The following SOX6 variants were observed in gnomAD, a reference collection of about 807,000 sequenced individuals.
SOX6 encodes transcription factor SOX-6.
In SOX6, 11 loss-of-function variants were observed where a neutral mutation model predicts 97.8. The ratio of observed to expected loss-of-function variants is 0.11; its 90% CI spans 0.07 to 0.19. The LOEUF (loss-of-function observed/expected upper bound fraction) is 0.19. SOX6 is among the 10% of genes least tolerant of loss of function. The probability of loss-of-function intolerance (pLI) is 1.00; values close to 1 mark genes in which losing one functional copy is unlikely to be tolerated. For missense variants in SOX6, 810 were observed against 1,039.5 expected (o/e 0.78, Z 3.04); for synonymous variants, 360 against 371.4 (o/e 0.97, Z 0.35).
At chr11:16,446,790 A>C (rs1210518345) in intron 1 of SOX6, among the ~76,000 whole-genome samples, 1 of 114,288 alleles carries the variant, frequency 8.7e-6, no homozygotes, top group Non-Finnish European at 1.8e-5. Context: ...TTTTTTACTT[A>C]AAAAGAAGAC....
intron 3 of SOX6, among the ~76,000 whole-genome samples, chr11:16,302,707 T>A (rs1452029269): frequency 6.6e-6 from 1 of 151,564 alleles, no homozygotes; most frequent in Non-Finnish European, 1.5e-5. Flanking sequence ...GTAGCTGGGA[T>A]TACAGGCGTG....
At chr11:16,488,007 A>C (rs1049976110) in intron 4 of SOX6, among the ~76,000 whole-genome samples, 1 of 152,264 alleles carries the variant, frequency 6.6e-6, no homozygotes, top group Admixed American at 6.5e-5. Flanking sequence ...GAGTCAACAT[A>C]GTCTCAACTT....
At chr11:16,384,169 T>C (rs374552743) in intron 1 of SOX6, among the ~76,000 whole-genome samples, 1 of 151,852 alleles carries the variant, frequency 6.6e-6, no homozygotes, top group East Asian at 1.9e-4. Flanking sequence ...AAATGAAATA[T>C]AGGTTATTTT....
chr11:15,969,931 C>T lies in SOX6; in HGVS notation c.*2878G>A, dbSNP rs1440563078. ...AAAAGACGTTTACAATCAGATCATT[C>T]CTGAATAGCCTTTCATTTTTAAGAA... On this transcript the variant is annotated 3_prime_UTR_variant, in exon 16 of 16. Transcript: ENST00000683767. The T allele has an allele frequency of 6.6e-6, 1 of 152,196 alleles. No homozygotes were observed. The highest frequency in any genetic ancestry group is 2.4e-5 in the African/African-American group (1 of 41,442). The allele number at this position is 152,196 out of a possible 1,614,324, so 9.4% of individuals were successfully genotyped here.
chr11:16,371,943 T>C (rs989536100), intron 1 of SOX6, among the ~76,000 whole-genome samples: 1 of 152,084 alleles, frequency 6.6e-6, no homozygotes, highest in Non-Finnish European at 1.5e-5. Context: ...GCACAATGGC[T>C]GGGTCATAGA....
chr11:16,433,250 C>A (rs878939767), intron 1 of SOX6, among the ~76,000 whole-genome samples: 3 of 151,894 alleles, frequency 2.0e-5, no homozygotes, highest in Admixed American at 1.3e-4. Context: ...CGTTATTTTT[C>A]CATTCTCTTC....
chr11:16,351,062 A>G (rs1856935570), intron 1 of SOX6, among the ~76,000 whole-genome samples: 1 of 152,110 alleles, frequency 6.6e-6, no homozygotes, highest in Non-Finnish European at 1.5e-5. Flanking sequence ...TTATATCCAT[A>G]TCCCCAACAC....
At chr11:16,014,377 A>T (rs1854820864) in intron 13 of SOX6, among the ~76,000 whole-genome samples, 1 of 152,062 alleles carries the variant, frequency 6.6e-6, no homozygotes, top group African/African-American at 2.4e-5. Flanking sequence ...CCTTCCCCAA[A>T]CAATTATTAA....
At chr11:16,460,631 C>T (rs61881802) in intron 1 of SOX6, among the ~76,000 whole-genome samples, 2 of 152,010 alleles carry the variant, frequency 1.3e-5, no homozygotes, top group Non-Finnish European at 2.9e-5. Context: ...AGAGAGCCTG[C>T]ATCTTAAGTA....
intron 15 of SOX6, among the ~76,000 whole-genome samples, chr11:15,985,594 A>G (rs1853808625): frequency 6.6e-6 from 1 of 152,206 alleles, no homozygotes; most frequent in Non-Finnish European, 1.5e-5. Flanking sequence ...CCAGAAATCT[A>G]TTACCTAATT....
At chr11:16,672,630 C>G (rs1847855526) in intron 3 of SOX6, among the ~76,000 whole-genome samples, 1 of 152,094 alleles carries the variant, frequency 6.6e-6, no homozygotes. Flanking sequence ...AAAAGACCCG[C>G]CCCCATAATT....
chr11:16,153,743 ATAGAC>A, intron 6 of SOX6, among the ~76,000 whole-genome samples: 1 of 152,260 alleles, frequency 6.6e-6, no homozygotes, highest in Middle Eastern at 3.4e-3. Context: ...ACAGAAGTGA[ATAGAC>A]TAGTGAGACA....
At chr11:16,602,076 T>C (rs1332468260) in intron 4 of SOX6, among the ~76,000 whole-genome samples, 1 of 152,218 alleles carries the variant, frequency 6.6e-6, no homozygotes, top group Admixed American at 6.5e-5. Context: ...TATTATATCA[T>C]TTATATCATG....
chr11:16,488,607 A>C (rs1209549953), intron 4 of SOX6, among the ~76,000 whole-genome samples: 1 of 152,160 alleles, frequency 6.6e-6, no homozygotes, highest in East Asian at 1.9e-4. Flanking sequence ...TACAGTTGTG[A>C]CTTTAGTAAT....
chr11:15,977,913 A>G (rs1456489515), intron 15 of SOX6, among the ~76,000 whole-genome samples: 3 of 152,078 alleles, frequency 2.0e-5, no homozygotes. Flanking sequence ...AAGCAATCAG[A>G]AGAAACTTTT....
chr11:16,049,860 T>A lies in SOX6; in HGVS notation c.1330A>T (p.Thr444Ser). 1 of 1,613,790 alleles carries A rather than the reference T, an allele frequency of 6.2e-7. No individual in the cohort carries two copies. Residue 444 changes from threonine (T) to serine (S), a missense_variant, in exon 11 of 16, where the codon ACC (threonine) becomes TCC (serine). Around this residue, in one of 9 missense-constraint regions of SOX6, gnomAD observed 244 missense variants for 261.0 expected, o/e 0.93. Transcript: ENST00000683767. ...TTGCTGGCTGGGAAGAGGTTCTGGG[T>A]GGGAGACGTTGGGGACTTTACAGGC... Reference protein sequence around the residue: ...AEPVKSPTSPTQNLFPASKTS... With the variant: ...AEPVKSPTSPSQNLFPASKTS...
At chr11:16,558,067 G>C (rs1401467308) in intron 4 of SOX6, among the ~76,000 whole-genome samples, 1 of 151,754 alleles carries the variant, frequency 6.6e-6, no homozygotes, top group East Asian at 1.9e-4. Flanking sequence ...AAGAACTTTT[G>C]AGTGTATCTC....
chr11:16,089,885 G>A (rs1472936316), intron 9 of SOX6, among the ~76,000 whole-genome samples: 1 of 152,022 alleles, frequency 6.6e-6, no homozygotes, highest in Non-Finnish European at 1.5e-5. Flanking sequence ...TTCCATGGTT[G>A]GAAACAGAAG....
chr11:16,232,225 G>C (rs928512752), intron 4 of SOX6, among the ~76,000 whole-genome samples: 1 of 151,842 alleles, frequency 6.6e-6, no homozygotes, highest in Admixed American at 6.6e-5. Flanking sequence ...GAATAAAAAT[G>C]TATGTTGAGT....
Sources: gnomAD v4.1 joint callset for allele counts (sites outside exome capture counted in the v4.1 genomes callset) on GRCh38, gnomAD v4.1.1 for gene constraint, gnomAD v4.1.1 regional missense constraint, MANE v1.5 for transcripts, NCBI Gene and HGNC (gene_info 2026-07-23, HGNC 2026-07-21) for gene names.